SCAPER: variants seen among roughly 807,000 people sequenced by gnomAD.
SCAPER encodes S phase cyclin A-associated protein in the endoplasmic reticulum.
Under a neutral mutation model 182.2 loss-of-function variants are expected in SCAPER, and 98 were observed. That is an observed-to-expected ratio of 0.54 (90% CI 0.46 to 0.64). The LOEUF is 0.64. SCAPER is among the 30% of genes least tolerant of loss of function. SCAPER has a pLI of 0.00. For synonymous variants in SCAPER, 605 were observed against 564.6 expected (o/e 1.07, Z -1.01); for missense variants, 1,432 against 1,690.0 (o/e 0.85, Z 2.68).
intron 14 of SCAPER, among the ~76,000 whole-genome samples, chr15:76,763,460 T>C (rs770372751): frequency 4.5e-4 from 68 of 152,262 alleles, no homozygotes; most frequent in Middle Eastern, 3.4e-3. Context: ...AGTCTTGATG[T>C]AGACTTCTTT....
chr15:76,699,071 T>A (rs567776915), intron 20 of SCAPER, among the ~76,000 whole-genome samples: 3 of 152,352 alleles, frequency 2.0e-5, no homozygotes, highest in African/African-American at 2.4e-5. Context: ...AGCTTTGATG[T>A]TGTTGCTGTG....
chr15:76,382,173 A>T (rs1034608591), intron 27 of SCAPER, among the ~76,000 whole-genome samples: 11 of 152,172 alleles, frequency 7.2e-5, no homozygotes, highest in African/African-American at 2.7e-4. Flanking sequence ...CAGTCCCAAG[A>T]ATAAGCAAGT....
rs530603671 is a variant in SCAPER at position 76,386,696 on chromosome 15, C to T, written c.3468-5081G>A. On this transcript the variant is annotated intron_variant, in intron 27 of 31. Transcript: ENST00000563290. ...GGGAAGGGTGTTTCAGGTAAAAGAGCAGAAGATCCCAAGGCTTGGAGCCAG... is the reference window on the plus strand; with the variant it reads ...GGGAAGGGTGTTTCAGGTAAAAGAGTAGAAGATCCCAAGGCTTGGAGCCAG... Among the ~76,000 whole-genome samples, 3 of 152,200 alleles carry T rather than the reference C, an allele frequency of 2.0e-5. No homozygotes were observed. In the South Asian group the frequency reaches 6.2e-4, roughly 32 times the overall value.
intron 2 of SCAPER, among the ~76,000 whole-genome samples, chr15:76,881,090 TTTTA>T (rs1179507530): frequency 6.6e-6 from 1 of 152,176 alleles, no homozygotes; most frequent in Non-Finnish European, 1.5e-5. Flanking sequence ...TTCTTTACTA[TTTTA>T]TTTATTTATT....
chr15:76,593,478 A>G (rs2049279571), intron 22 of SCAPER, among the ~76,000 whole-genome samples: 1 of 120,860 alleles, frequency 8.3e-6, no homozygotes, highest in African/African-American at 2.5e-5. Flanking sequence ...CAAATAAAGG[A>G]CAGACTGCCA....
At chr15:76,696,274 A>G (rs888968549) in intron 20 of SCAPER, among the ~76,000 whole-genome samples, 6 of 152,112 alleles carry the variant, frequency 3.9e-5, no homozygotes, top group African/African-American at 1.4e-4. Context: ...ATGTCTTTAT[A>G]TTTTTGCTAA....
chr15:76,814,733 T>G (rs2066930001), intron 5 of SCAPER, among the ~76,000 whole-genome samples: 1 of 152,114 alleles, frequency 6.6e-6, no homozygotes, highest in South Asian at 2.1e-4. Context: ...CACCAAAAAT[T>G]CATGCAACAA....
intron 8 of SCAPER, among the ~76,000 whole-genome samples, chr15:76,790,731 G>A (rs1047568832): frequency 3.3e-5 from 5 of 152,086 alleles, no homozygotes; most frequent in Admixed American, 2.6e-4. Context: ...ATCAAGTACA[G>A]TAGTAATATG....
intron 26 of SCAPER, among the ~76,000 whole-genome samples, chr15:76,419,158 CATG>C (rs2045849768): frequency 6.6e-6 from 1 of 151,960 alleles, no homozygotes; most frequent in Non-Finnish European, 1.5e-5. Context: ...GTACACAGAC[CATG>C]CTACTAAGTC....
At chr15:76,798,006 A>T (rs574945210) in intron 7 of SCAPER, among the ~76,000 whole-genome samples, 1 of 152,162 alleles carries the variant, frequency 6.6e-6, no homozygotes, top group African/African-American at 2.4e-5. Flanking sequence ...CAGCAACAGG[A>T]AGCCCGGACA....
chr15:76,624,213 C>T (rs1439654306), intron 21 of SCAPER, among the ~76,000 whole-genome samples: 2 of 152,144 alleles, frequency 1.3e-5, no homozygotes, highest in Non-Finnish European at 2.9e-5. Flanking sequence ...GATACAAAAT[C>T]AATGTACAAA....
chr15:76,892,834 G>A (rs2074236365), intron 1 of SCAPER, among the ~76,000 whole-genome samples: 1 of 152,128 alleles, frequency 6.6e-6, no homozygotes, highest in Admixed American at 6.5e-5. Flanking sequence ...TATACCCAAA[G>A]GATTATAAAT....
intron 20 of SCAPER, among the ~76,000 whole-genome samples, chr15:76,685,002 C>A (rs1023229107): frequency 1.3e-5 from 2 of 151,678 alleles, no homozygotes; most frequent in Admixed American, 1.3e-4. Context: ...TAGTAGTGAA[C>A]AGAATATTAG....
chr15:76,463,334 G>A (rs2049338418), intron 25 of SCAPER, among the ~76,000 whole-genome samples: 1 of 152,058 alleles, frequency 6.6e-6, no homozygotes, highest in Non-Finnish European at 1.5e-5. Context: ...CCTTGCTGCT[G>A]TAATGAAAAT....
At chr15:76,480,390 G>A (rs1192797220) in intron 24 of SCAPER, among the ~76,000 whole-genome samples, 1 of 152,218 alleles carries the variant, frequency 6.6e-6, no homozygotes, top group Non-Finnish European at 1.5e-5. Flanking sequence ...TCTAAGGCCT[G>A]AAGTGAACCT....
chr15:76,476,615 T>C (rs2050656858), intron 24 of SCAPER, among the ~76,000 whole-genome samples: 1 of 136,012 alleles, frequency 7.4e-6, no homozygotes, highest in African/African-American at 2.8e-5. Context: ...TTTTTTTTTT[T>C]TTTTTTTTGT....
At chr15:76,696,566 G>C (rs1485816137) in intron 20 of SCAPER, among the ~76,000 whole-genome samples, 2 of 151,584 alleles carry the variant, frequency 1.3e-5, no homozygotes, top group East Asian at 3.9e-4. Flanking sequence ...CACAAACATA[G>C]AAATATATTG....
chr15:76,896,928 A>G (rs1302494481), intron 1 of SCAPER, among the ~76,000 whole-genome samples: 1 of 152,206 alleles, frequency 6.6e-6, no homozygotes, highest in Non-Finnish European at 1.5e-5. Flanking sequence ...CCTGGGTGAC[A>G]GAGTGAGACC....
intron 2 of SCAPER, among the ~76,000 whole-genome samples, chr15:76,876,438 C>CAAAAAAAAAAA (rs33959211): frequency 3.3e-5 from 4 of 122,756 alleles, no homozygotes; most frequent in African/African-American, 3.2e-5. Flanking sequence ...AAAACAAAAG[C>CAAAAAAAAAAA]AAAAAAAAAA....
Sources: gnomAD v4.1 joint callset for allele counts (sites outside exome capture counted in the v4.1 genomes callset) on GRCh38, gnomAD v4.1.1 for gene constraint, MANE v1.5 for transcripts, NCBI Gene and HGNC (gene_info 2026-07-23, HGNC 2026-07-21) for gene names.